Variants in SRBD1 observed in about 807,000 individuals in gnomAD.
SRBD1 encodes the protein S1 RNA-binding domain-containing protein 1.
A neutral mutation model predicts 115.3 loss-of-function variants in SRBD1; 88 were observed. That is an observed-to-expected ratio of 0.76 (90% CI 0.64 to 0.91). The LOEUF (loss-of-function observed/expected upper bound fraction) is 0.91, where lower values mean the gene tolerates loss of function less well. Ranked by LOEUF, SRBD1 falls within the 40% of genes least tolerant of loss-of-function variation. SRBD1 has a pLI of 0.00. For missense variants in SRBD1, 1,385 were observed against 1,177.4 expected (o/e 1.18, Z -2.58); for synonymous variants, 509 against 407.7 (o/e 1.25, Z -2.99).
At chr2:45,520,520 A>G (rs1019191520) in intron 14 of SRBD1, among the ~76,000 whole-genome samples, 1 of 152,244 alleles carries the variant, frequency 6.6e-6, no homozygotes, top group African/African-American at 2.4e-5. Flanking sequence ...AAACCTGGAT[A>G]TCCATGGCCC....
chr2:45,400,979 C>T (rs1667278020), intron 19 of SRBD1, among the ~76,000 whole-genome samples: 1 of 152,122 alleles, frequency 6.6e-6, no homozygotes, highest in South Asian at 2.1e-4. Flanking sequence ...GTCATGTGGG[C>T]TGTGTTTTGG....
intron 16 of SRBD1, among the ~76,000 whole-genome samples, chr2:45,470,307 T>C (rs1260094351): frequency 6.6e-6 from 1 of 152,200 alleles, no homozygotes; most frequent in East Asian, 1.9e-4. Flanking sequence ...CCTTTGAGGT[T>C]TTACTGTGAA....
At chr2:45,400,684 C>A (rs3770243) in intron 19 of SRBD1, among the ~76,000 whole-genome samples, 1 of 151,550 alleles carries the variant, frequency 6.6e-6, no homozygotes, top group Non-Finnish European at 1.5e-5. Flanking sequence ...ACAAAAATAA[C>A]AGCAATAATA....
chr2:45,403,622 A>C (rs1667348897), intron 19 of SRBD1, among the ~76,000 whole-genome samples: 1 of 152,034 alleles, frequency 6.6e-6, no homozygotes, highest in Non-Finnish European at 1.5e-5. Flanking sequence ...CTGGTGCCAA[A>C]TTTTCAGATG....
At chr2:45,610,268 ATT>A in intron 1 of SRBD1, among the ~76,000 whole-genome samples, 2 of 152,356 alleles carry the variant, frequency 1.3e-5, no homozygotes, top group Middle Eastern at 3.4e-3. Flanking sequence ...CAAATACTAA[ATT>A]AAAATTGGAA....
rs975261477 is a variant in SRBD1, at chr2:45,488,386, G to C, written c.1875-55C>G. The C allele has an allele frequency of 9.7e-6, 14 of 1,436,298 alleles. No individual in the cohort carries two copies. In the African/African-American group the frequency reaches 1.4e-4, roughly 15 times the overall value. 89.0% of individuals were successfully genotyped at this position (1,436,298 alleles called of 1,614,324 possible). On this transcript the variant is annotated intron_variant, in intron 14 of 20. Coordinates refer to ENST00000263736, the MANE Select transcript of SRBD1 (RefSeq NM_018079.5). The stretch of plus-strand genomic sequence containing the variant: ...TTTCCTAACTTCCTGCCTGGTCAAA[G>C]AAAATAAATGAATGAAACCAGGCAT...
At chr2:45,562,903 C>CAAGT (rs1672717956) in intron 9 of SRBD1, 147 bp from the exon 10 acceptor site, 1 of 502,554 alleles carries the variant, frequency 2.0e-6, no homozygotes, top group East Asian at 3.5e-5. Context: ...ACACTTTTTT[C>CAAGT]AAGTAACATA....
At chr2:45,580,676 CTTTTTTTTTTTT>C (rs369067711) in intron 6 of SRBD1, among the ~76,000 whole-genome samples, 3 of 76,350 alleles carry the variant, frequency 3.9e-5, no homozygotes, top group South Asian at 9.7e-4. Flanking sequence ...TCTTCTACTT[CTTTTTTTTTTTT>C]TTTTTTTTTT....
At chr2:45,420,302 A>G (rs927919378) in intron 16 of SRBD1, among the ~76,000 whole-genome samples, 3 of 152,214 alleles carry the variant, frequency 2.0e-5, no homozygotes, top group East Asian at 1.9e-4. Context: ...CTAGATCACA[A>G]TGAGACATAG....
chr2:45,587,485 AC>A (rs954524784), intron 4 of SRBD1, among the ~76,000 whole-genome samples: 1 of 152,170 alleles, frequency 6.6e-6, no homozygotes, highest in African/African-American at 2.4e-5. Flanking sequence ...CAAAAGGAGT[AC>A]GTTTTATTAT....
intron 7 of SRBD1, among the ~76,000 whole-genome samples, chr2:45,578,542 T>A (rs1673247122): frequency 6.6e-6 from 1 of 152,206 alleles, no homozygotes; most frequent in African/African-American, 2.4e-5. Context: ...CAAATTCACA[T>A]TTGCTGGGTT....
chr2:45,432,551 C>T (rs1021750088), intron 16 of SRBD1, among the ~76,000 whole-genome samples: 6 of 152,228 alleles, frequency 3.9e-5, no homozygotes, highest in Middle Eastern at 3.4e-3. Flanking sequence ...CTTTAAGAAG[C>T]TCCATTTAGA....
chr2:45,577,894 GA>G (rs1022527680), intron 7 of SRBD1, among the ~76,000 whole-genome samples: 1 of 152,036 alleles, frequency 6.6e-6, no homozygotes, highest in African/African-American at 2.4e-5. Flanking sequence ...CAGGGTAAAA[GA>G]AAGAGGGAGT....
chr2:45,423,993 A>C (rs1668081089), intron 16 of SRBD1, among the ~76,000 whole-genome samples: 1 of 152,128 alleles, frequency 6.6e-6, no homozygotes, highest in Non-Finnish European at 1.5e-5. Flanking sequence ...TAGTACTAAA[A>C]CTTTATTACC....
intron 16 of SRBD1, among the ~76,000 whole-genome samples, chr2:45,449,628 G>T (rs1276079287): frequency 6.6e-6 from 1 of 152,040 alleles, no homozygotes; most frequent in Admixed American, 6.6e-5. Flanking sequence ...TATAATTTTG[G>T]CCAATATTTC....
intron 9 of SRBD1, among the ~76,000 whole-genome samples, chr2:45,570,008 G>A (rs930064886): frequency 2.6e-5 from 4 of 152,196 alleles, no homozygotes; most frequent in African/African-American, 9.6e-5. Flanking sequence ...TGGCCCATGG[G>A]TCAAATCCAG....
intron 4 of SRBD1, among the ~76,000 whole-genome samples, chr2:45,588,375 C>T (rs995045174): frequency 6.6e-6 from 1 of 152,194 alleles, no homozygotes; most frequent in African/African-American, 2.4e-5. Flanking sequence ...CTTAAGAGGC[C>T]TTCATGAGGC....
intron 16 of SRBD1, among the ~76,000 whole-genome samples, chr2:45,435,628 T>G (rs992714772): frequency 9.3e-5 from 14 of 150,462 alleles, no homozygotes; most frequent in Non-Finnish European, 7.4e-5. Context: ...TTCCTGAGAT[T>G]ACACAAAGCT....
chr2:45,504,083 T>C (rs1013549320), intron 14 of SRBD1, among the ~76,000 whole-genome samples: 1 of 152,220 alleles, frequency 6.6e-6, no homozygotes, highest in Non-Finnish European at 1.5e-5. Context: ...TCATGGATCT[T>C]ATTGATAACA....
Sources: gnomAD v4.1 joint callset for allele counts (sites outside exome capture counted in the v4.1 genomes callset) on GRCh38, gnomAD v4.1.1 for gene constraint, MANE v1.5 for transcripts, NCBI Gene and HGNC (gene_info 2026-07-23, HGNC 2026-07-21) for gene names.